The following PTPN4 variants were observed in gnomAD, a reference collection of about 807,000 sequenced individuals.
PTPN4 encodes tyrosine-protein phosphatase non-receptor type 4.
In PTPN4, 49 loss-of-function variants were observed where a neutral mutation model predicts 135.5. That is an observed-to-expected ratio of 0.36 (90% CI 0.29 to 0.46). The LOEUF (loss-of-function observed/expected upper bound fraction) is 0.46, where lower values mean the gene tolerates loss of function less well. Among genes scored for constraint, PTPN4 ranks in the 20% least tolerant of loss-of-function variants. The pLI is 1.00. For synonymous variants in PTPN4, 333 were observed against 369.9 expected (o/e 0.90, Z 1.14); for missense variants, 860 against 1,101.0 (o/e 0.78, Z 3.10).
chr2:119,823,133 C>G (rs1449872368), intron 2 of PTPN4, among the ~76,000 whole-genome samples: 1 of 151,942 alleles, frequency 6.6e-6, no homozygotes, highest in Admixed American at 6.6e-5. Context: ...TATCAAGGCT[C>G]ATTTTGTTTG....
At chr2:119,894,574 C>G (rs1187849331) in intron 9 of PTPN4, among the ~76,000 whole-genome samples, 1 of 152,018 alleles carries the variant, frequency 6.6e-6, no homozygotes, top group African/African-American at 2.4e-5. Context: ...ATGTATAAGC[C>G]TTTATGCCTA....
chr2:119,873,353 A>G (rs1256276068), intron 3 of PTPN4, among the ~76,000 whole-genome samples: 1 of 152,210 alleles, frequency 6.6e-6, no homozygotes, highest in Non-Finnish European at 1.5e-5. Context: ...GACTTGTCAC[A>G]TAGAAGTGCA....
chr2:119,862,611 T>A lies in PTPN4; in HGVS notation c.214T>A (p.Leu72Ile). The change falls in exon 3 of 27, where the codon TTA (leucine) becomes ATA (isoleucine). Residue 72 changes from leucine to isoleucine, a missense_variant. By Grantham distance (5) the Leu-to-Ile change is conservative. Coordinates refer to ENST00000263708, the MANE Select transcript of PTPN4 (RefSeq NM_002830.4). ...LDLTEQDYFG[L>I]QLADDSTDNP... The stretch of plus-strand genomic sequence containing the variant: ...TTTGACTGAGCAGGACTATTTTGGT[T>A]TACAGTTGGCTGATGATTCCACAGA... The A allele has an allele frequency of 6.2e-7, 1 of 1,613,204 alleles. No homozygotes were observed. Among genetic ancestry groups the A allele is most frequent in the Non-Finnish European group, 8.5e-7 (1 of 1,179,406 alleles).
rs749444905 is a variant in PTPN4 at position 119,965,580 on chromosome 2, A to T, written c.2493A>T (p.Leu831=). The change falls in exon 25 of 27, where the codon CTA becomes CTT. Residue 831 remains leucine, a synonymous_variant. Coordinates refer to ENST00000263708, the MANE Select transcript of PTPN4 (RefSeq NM_002830.4). Reference sequence around the variant, plus strand: ...TCCCTGATGATTCGAGTGACTTTCTAGATTTTGTTTGTCATGTACGAAACA... The same window carrying T: ...TCCCTGATGATTCGAGTGACTTTCTTGATTTTGTTTGTCATGTACGAAACA... ...HGVPDDSSDF[L]DFVCHVRNKR... is the part of the protein sequence containing the mutation. The T allele has an allele frequency of 2.7e-5, 44 of 1,613,908 alleles. No individual in the cohort carries two copies. The highest frequency in any genetic ancestry group is 3.6e-5 in the Non-Finnish European group (42 of 1,179,894).
intron 10 of PTPN4, among the ~76,000 whole-genome samples, chr2:119,914,103 C>T (rs1220774839): frequency 6.6e-6 from 1 of 152,004 alleles, no homozygotes; most frequent in East Asian, 1.9e-4. Flanking sequence ...TGATTTGAAA[C>T]TGGCCTAGAT....
chr2:119,831,825 T>C (rs1410136336), intron 2 of PTPN4, among the ~76,000 whole-genome samples: 1 of 152,186 alleles, frequency 6.6e-6, no homozygotes, highest in Non-Finnish European at 1.5e-5. Flanking sequence ...TGGTTGAAAT[T>C]TGAATTCCTA....
chr2:119,980,107 G>T lies in PTPN4; in HGVS notation c.*3037G>T, dbSNP rs932211299. 1.3e-5 allele frequency: 2 copies of T among 152,100 alleles called. No individual in the cohort carries two copies. Among genetic ancestry groups the T allele is most frequent in the African/African-American group, 4.8e-5 (2 of 41,444 alleles). The allele number at this position is 152,100 out of a possible 1,614,324, so 9.4% of individuals were successfully genotyped here. A position where few individuals can be genotyped will look rare whatever the true frequency, so the allele number is the denominator to read the frequency against. ...TTCTACAGTCTGCTAGGAGAAAGAGGTGAGAGGGGAGTGGTTGATGATTTT... is the reference window on the plus strand; with the variant it reads ...TTCTACAGTCTGCTAGGAGAAAGAGTTGAGAGGGGAGTGGTTGATGATTTT... On this transcript the variant is annotated 3_prime_UTR_variant, in exon 27 of 27. Transcript: ENST00000263708.
intron 12 of PTPN4, among the ~76,000 whole-genome samples, chr2:119,921,743 G>C (rs894455293): frequency 3.3e-5 from 5 of 151,776 alleles, no homozygotes; most frequent in Non-Finnish European, 5.9e-5. Context: ...CAAGGAAAAA[G>C]CAAAGAGCCT....
chr2:119,803,653 T>C (rs949549917), intron 1 of PTPN4, among the ~76,000 whole-genome samples: 15 of 152,228 alleles, frequency 9.9e-5, no homozygotes, highest in African/African-American at 3.6e-4. Context: ...GCTAGAGTGT[T>C]CTATAAATGT....
At chr2:119,875,111 A>G (rs1043250588) in intron 3 of PTPN4, among the ~76,000 whole-genome samples, 1 of 152,062 alleles carries the variant, frequency 6.6e-6, no homozygotes, top group African/African-American at 2.4e-5. Context: ...TATTAGTGTC[A>G]GTTTTTTCTT....
At chr2:119,845,229 G>C (rs1447556280) in intron 2 of PTPN4, among the ~76,000 whole-genome samples, 2 of 119,702 alleles carry the variant, frequency 1.7e-5, no homozygotes, top group East Asian at 2.5e-4. Context: ...GAGGGAGACC[G>C]TGGGGAGAGG....
intron 2 of PTPN4, among the ~76,000 whole-genome samples, chr2:119,828,634 A>G (rs1454736158): frequency 2.0e-5 from 3 of 152,246 alleles, no homozygotes; most frequent in Admixed American, 1.3e-4. Context: ...CAAAGTGGCT[A>G]TAAGTATGTA....
intron 10 of PTPN4, among the ~76,000 whole-genome samples, chr2:119,902,250 CAAG>C (rs1253119305): frequency 1.4e-4 from 22 of 152,134 alleles, no homozygotes; most frequent in African/African-American, 4.1e-4. Flanking sequence ...ACCATGTAAG[CAAG>C]AAGAAACTGG....
intron 1 of PTPN4, among the ~76,000 whole-genome samples, chr2:119,807,953 A>G (rs1691505798): frequency 6.6e-6 from 1 of 152,232 alleles, no homozygotes. Flanking sequence ...TCCATCAGCT[A>G]AACAGAAGCA....
chr2:119,975,513 G>T (rs1018376894), intron 26 of PTPN4, among the ~76,000 whole-genome samples: 1 of 152,190 alleles, frequency 6.6e-6, no homozygotes, highest in Non-Finnish European at 1.5e-5. Context: ...ATCACCTGAG[G>T]TCAGGAGTTC....
intron 24 of PTPN4, among the ~76,000 whole-genome samples, chr2:119,963,321 T>C (rs1679396135): frequency 6.6e-6 from 1 of 152,152 alleles, no homozygotes; most frequent in South Asian, 2.1e-4. Context: ...GATGGCTCAG[T>C]ATCCCAATTG....
At chr2:119,945,337 T>C in intron 16 of PTPN4, 97 bp downstream of exon 16, 1 of 1,062,982 alleles carries the variant, frequency 9.4e-7, no homozygotes, top group Non-Finnish European at 1.3e-6. Context: ...TTGTAAGTTG[T>C]ATTACAGTAC....
At chr2:119,885,377 G>A (rs1678141318) in intron 8 of PTPN4, among the ~76,000 whole-genome samples, 1 of 152,136 alleles carries the variant, frequency 6.6e-6, no homozygotes, top group Non-Finnish European at 1.5e-5. Flanking sequence ...ACCTCTGTCT[G>A]TGCACCACAC....
chr2:119,785,788 A>G (rs1344880741), intron 1 of PTPN4, among the ~76,000 whole-genome samples: 1 of 152,110 alleles, frequency 6.6e-6, no homozygotes, highest in Non-Finnish European at 1.5e-5. Context: ...GTGAGCAATC[A>G]GAGCTTTCCT....
Sources: allele counts gnomAD v4.1 joint callset (sites outside exome capture counted in the v4.1 genomes callset), GRCh38; gene constraint gnomAD v4.1.1; transcripts MANE v1.5; gene names NCBI Gene and HGNC (gene_info 2026-07-23, HGNC 2026-07-21).